The following NOD1 variants were observed in gnomAD, a reference collection of about 807,000 sequenced individuals.
NOD1 encodes nucleotide binding oligomerization domain containing 1.
Under a neutral mutation model 81.2 loss-of-function variants are expected in NOD1, and 70 were observed. The ratio of observed to expected loss-of-function variants is 0.86; its 90% CI spans 0.71 to 1.05. The LOEUF (loss-of-function observed/expected upper bound fraction) is 1.05. Among genes scored for constraint, NOD1 ranks in the 50% least tolerant of loss-of-function variants. NOD1 has a pLI of 0.00. For synonymous variants in NOD1, 508 were observed against 526.9 expected, an observed-to-expected ratio of 0.96 and a Z score of 0.49; for missense variants, 1,233 against 1,228.0, an observed-to-expected ratio of 1.00 and a Z score of -0.06.
intron 3 of NOD1, among the ~76,000 whole-genome samples, chr7:30,458,026 T>C (rs1481652001): frequency 6.6e-6 from 1 of 152,150 alleles, no homozygotes; most frequent in East Asian, 1.9e-4. Flanking sequence ...ACAGAGTTCC[T>C]GGGATTAGAT....
In NOD1 at chr7:30,452,318, C is replaced by A. The variant is rs201359060; in HGVS notation, c.1099G>T (p.Glu367Ter). 1 of 1,613,356 alleles carries A rather than the reference C, an allele frequency of 6.2e-7. No individual in the cohort carries two copies. The highest frequency in any genetic ancestry group is 1.1e-5 in the South Asian group (1 of 91,080). The change falls in exon 6 of 14, where the codon GAG becomes TAG. Residue 367 changes from glutamate (E) to a stop codon, truncating the protein, a stop_gained. Transcript: ENST00000222823. LOFTEE classifies it high-confidence loss of function. ...LRAYARRMFPERALQDRLLSQ... is the reference protein window; with the variant it reads ...LRAYARRMFP ...AGCAGGCGGTCCTGCAGGGCCCGCT[C>A]GGGGAACATCCTCCTGGCATAGGCG...
chr7:30,461,612 G>A (rs917224509), intron 1 of NOD1, among the ~76,000 whole-genome samples: 4 of 152,224 alleles, frequency 2.6e-5, no homozygotes, highest in African/African-American at 7.2e-5. Flanking sequence ...AGCCACATGC[G>A]GCCAGGGGCT....
intron 11 of NOD1, among the ~76,000 whole-genome samples, chr7:30,435,336 A>C (rs927050494): frequency 6.6e-6 from 1 of 152,088 alleles, no homozygotes; most frequent in Admixed American, 6.6e-5. Flanking sequence ...GATGAAGAGG[A>C]GGAAGGGAGA....
At position 30,452,758 on chromosome 7, in the gene NOD1, G is replaced by C. The variant is rs1785921936; in HGVS notation, c.659C>G (p.Ala220Gly). ...GACCCCTGCGTCTAGCCGGCCCGTG[G>C]CCCAGAGGCTCTGCAGCCGCTGTAG... ...MLLQRLQSLWATGRLDAGVKF... is the reference protein window; with the variant it reads ...MLLQRLQSLWGTGRLDAGVKF... Residue 220 changes from alanine (A) to glycine (G), a missense_variant, in exon 6 of 14, where the codon GCC (alanine) becomes GGC (glycine). Coordinates refer to ENST00000222823, the MANE Select transcript of NOD1 (RefSeq NM_006092.4). 1 of 1,613,970 alleles carries C rather than the reference G, an allele frequency of 6.2e-7. No homozygotes were observed. Among genetic ancestry groups the C allele is most frequent in the African/African-American group, 1.3e-5 (1 of 74,952 alleles).
rs80178202 is a variant in NOD1, at chr7:30,478,034, C to A, written c.-352+572G>T. On this transcript the variant is annotated intron_variant, in intron 1 of 13. Transcript: ENST00000222823. The surrounding 1 kb of genome is among the most constrained non-coding windows in gnomAD (Gnocchi z 4.1). ...GGCGTTTTTGAATGTGATATTCAGG[C>A]GACCTTGCCAAGCATTGTCTCATTT... Among the ~76,000 whole-genome samples, 1,742 of 152,250 alleles carry A rather than the reference C, an allele frequency of 0.011. 30 individuals carry two copies. Among genetic ancestry groups the A allele is most frequent in the African/African-American group, 0.04 (1,667 of 41,534 alleles).
intron 13 of NOD1, 80 bp downstream of exon 13, chr7:30,429,294 C>T (rs2127989111): frequency 8.2e-7 from 1 of 1,225,210 alleles, no homozygotes; most frequent in Admixed American, 1.7e-5. Context: ...AGAAACCACC[C>T]TGCGTTGTGC....
rs556387678 is a variant in NOD1, at chr7:30,451,917, A to G, written c.1500T>C (p.Ala500=). 6.8e-6 allele frequency: 11 copies of G among 1,613,496 alleles called. No individual in the cohort carries two copies. In the Admixed American group the frequency reaches 1.5e-4, roughly 22 times the overall value. ...CACCCCCGGGGCCCAGCTCCGGCAA[A>G]GCCCGCAGGAAGCCCAGCTGCATGT... is the stretch of plus-strand genomic sequence containing the variant. ...ERDMQLGFLR[A]LPELGPGGDQ... is the part of the protein sequence containing the mutation. The change falls in exon 6 of 14, where the codon GCT becomes GCC. Residue 500 remains alanine, a synonymous_variant. Transcript: ENST00000222823. The surrounding 1 kb of genome is among the most constrained non-coding windows in gnomAD (Gnocchi z 4.2).
Position 30,451,921 on chromosome 7 carries a change from C to A in NOD1, c.1496G>T (p.Arg499Leu). 6.2e-7 allele frequency: 1 copy of A among 1,613,546 alleles called. No homozygotes were observed. Among genetic ancestry groups the A allele is most frequent in the Non-Finnish European group, 8.5e-7 (1 of 1,179,952 alleles). Reference protein sequence around the residue: ...QERDMQLGFLRALPELGPGGD... With the variant: ...QERDMQLGFLLALPELGPGGD... ...CCCGGGGCCCAGCTCCGGCAAAGCC[C>A]GCAGGAAGCCCAGCTGCATGTCTCT... The change falls in exon 6 of 14, where the codon CGG becomes CTG. Residue 499 changes from arginine (R) to leucine (L), a missense_variant. Physicochemically the swap from Arg to Leu is moderately radical, Grantham distance 102 (BLOSUM62 -2). Coordinates refer to ENST00000222823, the MANE Select transcript of NOD1 (RefSeq NM_006092.4). The surrounding 1 kb of genome is among the most constrained non-coding windows in gnomAD (Gnocchi z 4.2).
In NOD1 at chr7:30,471,409, C is replaced by T. The variant is rs867626176; in HGVS notation, c.-352+7197G>A. The stretch of plus-strand genomic sequence containing the variant: ...GCACTGCAACCTCATGACCGCTTCA[C>T]AGCAAGGAAGGAGAAACAGGGTCAG... On this transcript the variant is annotated intron_variant, in intron 1 of 13. Coordinates refer to ENST00000222823, the MANE Select transcript of NOD1 (RefSeq NM_006092.4). Among the ~76,000 whole-genome samples, 7 of 152,242 alleles carry T rather than the reference C, an allele frequency of 4.6e-5. No individual in the cohort carries two copies. In the South Asian group the frequency reaches 8.3e-4, roughly 18 times the overall value.
chr7:30,435,775 A>T (rs1421915918), intron 11 of NOD1, among the ~76,000 whole-genome samples: 1 of 152,052 alleles, frequency 6.6e-6, no homozygotes, highest in Non-Finnish European at 1.5e-5. Context: ...CCTGGGTAAC[A>T]TAGCAAAACC....
chr7:30,431,941 A>G (rs1322045011), intron 12 of NOD1, among the ~76,000 whole-genome samples: 1 of 152,114 alleles, frequency 6.6e-6, no homozygotes, highest in Non-Finnish European at 1.5e-5. Flanking sequence ...CCCCATCTCT[A>G]TTAAAAATAC....
chr7:30,427,398 A>G (rs1783548696), intron 13 of NOD1, among the ~76,000 whole-genome samples: 1 of 152,222 alleles, frequency 6.6e-6, no homozygotes, highest in Non-Finnish European at 1.5e-5. Context: ...CTTACTCTGT[A>G]AGTGTTGGCT....
At chr7:30,432,844 TAG>T (rs762456006) in intron 12 of NOD1, among the ~76,000 whole-genome samples, 52 of 152,086 alleles carry the variant, frequency 3.4e-4, no homozygotes, top group Non-Finnish European at 5.7e-4. Flanking sequence ...GGCAAATCCA[TAG>T]AGACAGAAAG....
chr7:30,474,653 G>A (rs1049166653), intron 1 of NOD1, among the ~76,000 whole-genome samples: 13 of 152,228 alleles, frequency 8.5e-5, no homozygotes, highest in Non-Finnish European at 1.5e-4. Flanking sequence ...GAGTTCAGGC[G>A]GTAATGCTTG....
chr7:30,470,211 C>T (rs917775757), intron 1 of NOD1, among the ~76,000 whole-genome samples: 3 of 152,238 alleles, frequency 2.0e-5, no homozygotes, highest in African/African-American at 7.2e-5. Context: ...ACTGCACCTA[C>T]TCCATGTAGG....
At chr7:30,428,375 TAAA>T (rs55892134) in intron 13 of NOD1, 1 of 151,286 alleles carries the variant, frequency 6.6e-6, no homozygotes, top group Non-Finnish European at 1.5e-5. Flanking sequence ...GTGTTTTTTT[TAAA>T]AAAAAACCTT....
At chr7:30,453,375 C>T (rs1038481784) in intron 5 of NOD1, among the ~76,000 whole-genome samples, 6 of 152,140 alleles carry the variant, frequency 3.9e-5, no homozygotes, top group African/African-American at 7.2e-5. Flanking sequence ...ACACTGAAGC[C>T]CCTCGCACTC....
intron 8 of NOD1, 120 bp from the exon 9 acceptor site, chr7:30,446,344 G>A (rs1186050107): frequency 2.5e-6 from 2 of 784,746 alleles, no homozygotes; most frequent in East Asian, 2.4e-5. Context: ...ACTTTCTTCT[G>A]GGATCCACAA....
chr7:30,451,095 G>A lies in NOD1; in HGVS notation c.2201+121C>T, dbSNP rs543650951. 8.4e-6 allele frequency: 10 copies of A among 1,184,498 alleles called. No individual in the cohort carries two copies. The highest frequency in any genetic ancestry group is 1.0e-5 in the Non-Finnish European group (9 of 864,580). The allele number at this position is 1,184,498 out of a possible 1,614,324, so 73.4% of individuals were successfully genotyped here. On this transcript the variant is annotated intron_variant, in intron 6 of 13. Coordinates refer to ENST00000222823, the MANE Select transcript of NOD1 (RefSeq NM_006092.4). The surrounding 1 kb of genome is among the most constrained non-coding windows in gnomAD (Gnocchi z 4.2). ...TGCCCTGCTAAGAAAGAAAAGGTCT[G>A]GACATTCCAAGGGCCATGGTCATGA...
Sources: gnomAD v4.1 joint callset for allele counts (sites outside exome capture counted in the v4.1 genomes callset) on GRCh38, gnomAD v4.1.1 for gene constraint, Gnocchi (gnomAD v3.1) non-coding constraint, MANE v1.5 for transcripts, NCBI Gene and HGNC (gene_info 2026-07-23, HGNC 2026-07-21) for gene names.